Variants in GRID2 observed in about 807,000 individuals in gnomAD.
GRID2 encodes glutamate ionotropic receptor delta type subunit 2.
In GRID2, 33 loss-of-function variants were observed where a neutral mutation model predicts 114.8. The ratio of observed to expected loss-of-function variants is 0.29; its 90% CI spans 0.22 to 0.38. The LOEUF (loss-of-function observed/expected upper bound fraction) is 0.38. GRID2 is among the 10% of genes least tolerant of loss of function. GRID2 has a pLI of 1.00. For synonymous variants in GRID2, 505 were observed against 449.9 expected, an observed-to-expected ratio of 1.12 and a Z score of -1.55; for missense variants, 1,184 against 1,257.7, an observed-to-expected ratio of 0.94 and a Z score of 0.89.
chr4:92,445,649 C>G (rs148338612), intron 1 of GRID2, among the ~76,000 whole-genome samples: 1 of 152,222 alleles, frequency 6.6e-6, no homozygotes, highest in African/African-American at 2.4e-5. Context: ...TAGGAGAGAG[C>G]TGATTTAGGA....
chr4:93,142,572 G>T (rs1410414250), intron 4 of GRID2, among the ~76,000 whole-genome samples: 1 of 152,128 alleles, frequency 6.6e-6, no homozygotes, highest in Non-Finnish European at 1.5e-5. Flanking sequence ...TAGAGGGTTA[G>T]AATTTCACCA....
In GRID2 at chr4:93,427,340, G is replaced by T. The variant is rs1428263697; in HGVS notation, c.1545+4372G>T. On this transcript the variant is annotated intron_variant, in intron 10 of 15. Transcript: ENST00000282020. ...GCTCCAGAAAAGCAAGCTTATTATT[G>T]TTATTATATCTTCTGATAATATACA... Among the ~76,000 whole-genome samples, 5 of 151,972 alleles carry T rather than the reference G, an allele frequency of 3.3e-5. No individual in the cohort carries two copies. In the South Asian group the frequency reaches 1.0e-3, roughly 32 times the overall value.
chr4:93,495,257 G>A (rs1727412790), intron 12 of GRID2, among the ~76,000 whole-genome samples: 1 of 151,734 alleles, frequency 6.6e-6, no homozygotes. Flanking sequence ...GATACAGAAA[G>A]AGATCCATAA....
chr4:92,794,893 TATATATATATATAC>T (rs1464188564), intron 2 of GRID2, among the ~76,000 whole-genome samples: 1 of 138,894 alleles, frequency 7.2e-6, no homozygotes, highest in Non-Finnish European at 1.5e-5. Context: ...TATATATATA[TATATATATATATAC>T]ACACACACAC....
chr4:93,474,733 C>A (rs1725160749), intron 11 of GRID2, among the ~76,000 whole-genome samples: 2 of 152,056 alleles, frequency 1.3e-5, no homozygotes, highest in African/African-American at 4.8e-5. Context: ...TTCTCCCTTC[C>A]CTATGATAGC....
At chr4:92,717,368 A>G (rs555742722) in intron 2 of GRID2, among the ~76,000 whole-genome samples, 1 of 152,342 alleles carries the variant, frequency 6.6e-6, no homozygotes, top group South Asian at 2.1e-4. Context: ...TGCCAAAGAA[A>G]TGTTAAGCAA....
intron 8 of GRID2, among the ~76,000 whole-genome samples, chr4:93,255,708 CT>C (rs1452744817): frequency 6.6e-6 from 1 of 152,070 alleles, no homozygotes; most frequent in African/African-American, 2.4e-5. Context: ...TCTACTTCCC[CT>C]TTGAACTTCT....
chr4:92,654,546 T>A (rs1345388588), intron 2 of GRID2, among the ~76,000 whole-genome samples: 1 of 152,072 alleles, frequency 6.6e-6, no homozygotes, highest in Non-Finnish European at 1.5e-5. Flanking sequence ...AAGAGTTTCC[T>A]TTTCTCTGCA....
At chr4:92,312,020 T>A (rs1725733045) in intron 1 of GRID2, among the ~76,000 whole-genome samples, 1 of 151,810 alleles carries the variant, frequency 6.6e-6, no homozygotes, top group Non-Finnish European at 1.5e-5. Context: ...AACAGAGACT[T>A]GATCCAAAGA....
At chr4:92,810,590 A>G (rs1740622259) in intron 2 of GRID2, among the ~76,000 whole-genome samples, 1 of 152,122 alleles carries the variant, frequency 6.6e-6, no homozygotes, top group Non-Finnish European at 1.5e-5. Flanking sequence ...AGGCATTTGT[A>G]GATATACAAG....
At position 93,292,450 on chromosome 4, in the gene GRID2, A is replaced by C. The variant is rs569952915; in HGVS notation, c.1245+53960A>C. Among the ~76,000 whole-genome samples the C allele has an allele frequency of 2.0e-5, 3 of 152,346 alleles. No individual in the cohort carries two copies. In the South Asian group the frequency reaches 6.2e-4, roughly 32 times the overall value. The stretch of plus-strand genomic sequence containing the variant: ...AGAAGTAAGGGGTCACAGAAGGTAA[A>C]GTCTTCCTTCTGTTATTGAGGGAAA... On this transcript the variant is annotated intron_variant, in intron 8 of 15. Coordinates refer to ENST00000282020, the MANE Select transcript of GRID2 (RefSeq NM_001510.4).
intron 2 of GRID2, among the ~76,000 whole-genome samples, chr4:92,866,163 G>A (rs754842548): frequency 5.3e-5 from 8 of 152,148 alleles, no homozygotes; most frequent in Non-Finnish European, 7.4e-5. Context: ...GAGGAATATT[G>A]TGAGGAAGTG....
At chr4:93,765,095 A>G (rs1733536895) in intron 14 of GRID2, among the ~76,000 whole-genome samples, 1 of 152,200 alleles carries the variant, frequency 6.6e-6, no homozygotes, top group Non-Finnish European at 1.5e-5. Flanking sequence ...CATCCTATTC[A>G]TCTTCCAGGC....
In GRID2 at chr4:92,666,650, G is replaced by GTTTTTTTTTTTTTTTTTT. The variant is rs70942922; in HGVS notation, c.244+76367_244+76384dup. 1.1e-3 allele frequency among the ~76,000 whole-genome samples: 73 copies of GTTTTTTTTTTTTTTTTTT among 68,594 alleles called. 4 individuals carry two copies. The highest frequency in any genetic ancestry group is 2.5e-3 in the African/African-American group (47 of 19,074). The allele number at this position is 68,594 out of a possible 152,430, so 45.0% of individuals were successfully genotyped here. A position where few individuals can be genotyped will look rare whatever the true frequency, so the allele number is the denominator to read the frequency against. On this transcript the variant is annotated intron_variant, in intron 2 of 15. Transcript: ENST00000282020. ...AGGCTGATGTGTAAACTTAAGGGTT[G>GTTTTTTTTTTTTTTTTTT]TTTTTTTTTTTTTTTTTTTTCAGAT...
chr4:93,198,032 G>A (rs537872818), intron 4 of GRID2, among the ~76,000 whole-genome samples: 4 of 152,140 alleles, frequency 2.6e-5, no homozygotes, highest in East Asian at 1.9e-4. Flanking sequence ...AGTCCTAGGT[G>A]AGGTATGGAT....
intron 14 of GRID2, among the ~76,000 whole-genome samples, chr4:93,682,216 C>CA (rs879339812): frequency 0.029 from 4,353 of 148,832 alleles, 80 homozygotes; most frequent in African/African-American, 0.059. Flanking sequence ...AAATGCAAAT[C>CA]AAAACCACAA....
intron 2 of GRID2, among the ~76,000 whole-genome samples, chr4:92,959,839 C>A (rs1341495511): frequency 6.6e-6 from 1 of 152,056 alleles, no homozygotes; most frequent in Admixed American, 6.6e-5. Context: ...GAACATCTCA[C>A]ACTGGGGCCT....
chr4:93,079,700 T>C (rs1359137336), intron 2 of GRID2, among the ~76,000 whole-genome samples: 1 of 152,062 alleles, frequency 6.6e-6, no homozygotes, highest in African/African-American at 2.4e-5. Context: ...TTATGAGATA[T>C]AAATTGAAAA....
chr4:92,729,630 AT>A (rs1166056562), intron 2 of GRID2, among the ~76,000 whole-genome samples: 1 of 152,024 alleles, frequency 6.6e-6, no homozygotes, highest in East Asian at 1.9e-4. Flanking sequence ...AATTTTTTGC[AT>A]TTTTAAAACT....
Sources: gnomAD v4.1 joint callset for allele counts (sites outside exome capture counted in the v4.1 genomes callset) on GRCh38, gnomAD v4.1.1 for gene constraint, MANE v1.5 for transcripts, NCBI Gene and HGNC (gene_info 2026-07-23, HGNC 2026-07-21) for gene names.